Variants in IGSF10 observed in about 807,000 individuals in gnomAD.
IGSF10 encodes the protein immunoglobulin superfamily member 10, also known as calvaria mechanical force protein 608.
IGSF10 carries 126 observed loss-of-function variants against 128.2 expected under a neutral mutation model. The observed-to-expected ratio is 0.98, with a 90% confidence interval of 0.85 to 1.14. IGSF10 has a LOEUF of 1.14. IGSF10 is among the 50% of genes most tolerant of loss of function. The probability of loss-of-function intolerance (pLI) is 0.00; values close to 1 mark genes in which losing one functional copy is unlikely to be tolerated. For missense variants in IGSF10, 3,295 were observed against 3,149.8 expected, an observed-to-expected ratio of 1.05 and a Z score of -1.10; for synonymous variants, 1,185 against 1,146.2, an observed-to-expected ratio of 1.03 and a Z score of -0.68.
At chr3:151,508,568 T>G in the IGSF10 span, among the ~76,000 whole-genome samples, 1 of 152,182 alleles carries the variant, frequency 6.6e-6, no homozygotes, top group Admixed American at 6.5e-5. Context: ...AATCTTCTAA[T>G]TAGTACTCTG....
At chr3:151,541,381 T>G in the IGSF10 span, among the ~76,000 whole-genome samples, 1 of 152,172 alleles carries the variant, frequency 6.6e-6, no homozygotes, top group African/African-American at 2.4e-5. Flanking sequence ...GTCAAAAAAA[T>G]CATATTTTAG....
chr3:151,518,195 T>C, the IGSF10 span, among the ~76,000 whole-genome samples: 1 of 152,126 alleles, frequency 6.6e-6, no homozygotes, highest in East Asian at 1.9e-4. Context: ...CTTGTGCCAA[T>C]CACTGAGTTT....
chr3:151,564,410 T>C, the IGSF10 span, among the ~76,000 whole-genome samples: 9 of 152,092 alleles, frequency 5.9e-5, no homozygotes, highest in African/African-American at 2.2e-4. Context: ...TAAGAATTTA[T>C]TTCCTTCCTT....
chr3:151,481,653 T>C, the IGSF10 span, among the ~76,000 whole-genome samples: 5 of 152,130 alleles, frequency 3.3e-5, no homozygotes, highest in African/African-American at 1.2e-4. Context: ...TCCCCAGGGC[T>C]GCAATAGTTT....
the IGSF10 span, among the ~76,000 whole-genome samples, chr3:151,534,717 T>C: frequency 6.6e-6 from 1 of 151,838 alleles, no homozygotes; most frequent in Admixed American, 6.6e-5. Flanking sequence ...GACGGGTCAA[T>C]GGGTACAGCA....
chr3:151,501,505 A>G, the IGSF10 span, among the ~76,000 whole-genome samples: 1 of 152,114 alleles, frequency 6.6e-6, no homozygotes, highest in Non-Finnish European at 1.5e-5. Flanking sequence ...TCAAGGATCT[A>G]TTCAAGTTAG....
At position 151,437,543 on chromosome 3, in the gene IGSF10, T is replaced by A. The variant is rs1720452558; in HGVS notation, c.7018A>T (p.Arg2340Ter). The A allele has an allele frequency of 6.2e-7, 1 of 1,614,108 alleles. No individual in the cohort carries two copies. The highest frequency in any genetic ancestry group is 1.3e-5 in the African/African-American group (1 of 74,946). Residue 2340 changes from arginine (R) to a stop codon, truncating the protein, a stop_gained, in exon 8 of 8, where the codon AGA becomes TGA. Coordinates refer to ENST00000282466, the MANE Select transcript of IGSF10 (RefSeq NM_178822.5). LOFTEE classifies it low-confidence loss of function (END_TRUNC). Reference protein sequence around the residue: ...VLEMLRRPTFRNPFNEKIVAQ... With the variant: ...VLEMLRRPTF ...ACTATTTTTTCATTAAATGGATTTC[T>A]AAATGTCGGTCTTCTCAGCATTTCC...
the IGSF10 span, among the ~76,000 whole-genome samples, chr3:151,500,729 A>C: frequency 6.6e-6 from 1 of 152,172 alleles, no homozygotes; most frequent in African/African-American, 2.4e-5. Context: ...TTACTTGTCC[A>C]TCACATTTGC....
rs927290716 is a variant in IGSF10 at position 151,436,248 on chromosome 3, T to G, written c.*441A>C. 1 of 154,656 alleles carries G rather than the reference T, an allele frequency of 6.5e-6. No individual in the cohort carries two copies. The highest frequency in any genetic ancestry group is 1.9e-4 in the East Asian group (1 of 5,254). The allele number at this position is 154,656 out of a possible 1,614,324, so 9.6% of individuals were successfully genotyped here. On this transcript the variant is annotated 3_prime_UTR_variant, in exon 8 of 8. Coordinates refer to ENST00000282466, the MANE Select transcript of IGSF10 (RefSeq NM_178822.5). The stretch of plus-strand genomic sequence containing the variant: ...AAAAATTTATAAACCACAAAATATT[T>G]ATACATCAGGATGGTAAATTTACAT...
chr3:151,615,083 T>C, the IGSF10 span, among the ~76,000 whole-genome samples: 6 of 152,084 alleles, frequency 3.9e-5, no homozygotes, highest in African/African-American at 1.4e-4. Flanking sequence ...TTTTGGTAAG[T>C]TTTGTTTACA....
At position 151,453,374 on chromosome 3, in the gene IGSF10, A is replaced by G; in HGVS notation, c.715+10T>C. 2 of 1,564,902 alleles carry G rather than the reference A, an allele frequency of 1.3e-6. No individual in the cohort carries two copies. Among genetic ancestry groups the G allele is most frequent in the Non-Finnish European group, 1.7e-6 (2 of 1,162,270 alleles). ...CTTAATTGGGACAAAAAAATAAACA[A>G]TATAGATACCTGGCTTCTCCTGTAT... On this transcript the variant is annotated intron_variant, in intron 5 of 7. Coordinates refer to ENST00000282466, the MANE Select transcript of IGSF10 (RefSeq NM_178822.5).
At position 151,437,253 on chromosome 3, in the gene IGSF10, G is replaced by A. The variant is rs768658512; in HGVS notation, c.7308C>T (p.Thr2436=). The change falls in exon 8 of 8, where the codon ACC becomes ACT. Residue 2436 remains threonine (T), a synonymous_variant. Coordinates refer to ENST00000282466, the MANE Select transcript of IGSF10 (RefSeq NM_178822.5). Reference sequence around the variant, plus strand: ...TGCCTTTTACTGTCCCTGGTGCATAGGTAAGAATAACTGGCTTCTGGCCAA... The same window carrying A: ...TGCCTTTTACTGTCCCTGGTGCATAAGTAAGAATAACTGGCTTCTGGCCAA... ...LEIGQKPVIL[T]YAPGTVKGIS... is the part of the protein sequence containing the mutation. The A allele has an allele frequency of 6.2e-7, 1 of 1,614,164 alleles. No homozygotes were observed. The highest frequency in any genetic ancestry group is 2.2e-5 in the East Asian group (1 of 44,882).
the IGSF10 span, among the ~76,000 whole-genome samples, chr3:151,608,139 G>A: frequency 4.7e-4 from 71 of 152,190 alleles, no homozygotes; most frequent in African/African-American, 1.7e-3. Flanking sequence ...AAATCCTGGA[G>A]TTACCAAGAT....
the IGSF10 span, among the ~76,000 whole-genome samples, chr3:151,550,437 G>A: frequency 7.2e-5 from 11 of 152,090 alleles, no homozygotes; most frequent in Admixed American, 1.3e-4. Context: ...GAGCTTTCTC[G>A]GACAAGAGAA....
the IGSF10 span, among the ~76,000 whole-genome samples, chr3:151,534,006 A>T: frequency 6.6e-6 from 1 of 152,232 alleles, no homozygotes; most frequent in Non-Finnish European, 1.5e-5. Flanking sequence ...TAATATGAAC[A>T]GACACTTCTC....
At chr3:151,594,426 C>T in the IGSF10 span, among the ~76,000 whole-genome samples, 1 of 151,074 alleles carries the variant, frequency 6.6e-6, no homozygotes, top group African/African-American at 2.4e-5. Flanking sequence ...CTCCGCCTCC[C>T]GGGTTCACGC....
intron 5 of IGSF10, among the ~76,000 whole-genome samples, chr3:151,452,180 CT>C (rs1721540799): frequency 6.6e-6 from 1 of 152,182 alleles, no homozygotes; most frequent in African/African-American, 2.4e-5. Context: ...ATGTGAGCCC[CT>C]ATGGGTTTAA....
In IGSF10 at chr3:151,460,325, G is replaced by T; in HGVS notation, c.-66C>A. 1 of 981,670 alleles carries T rather than the reference G, an allele frequency of 1.0e-6. No individual in the cohort carries two copies. The highest frequency in any genetic ancestry group is 1.2e-6 in the Non-Finnish European group (1 of 826,514). The allele number at this position is 981,670 out of a possible 1,614,324, so 60.8% of individuals were successfully genotyped here. A position where few individuals can be genotyped will look rare whatever the true frequency, so the allele number is the denominator to read the frequency against. Reference sequence around the variant, plus strand: ...AGGCAGAGACAGAAAATCTTCCCAGGAAATGGAAAATTGTGTCCAAACCTG... The same window carrying T: ...AGGCAGAGACAGAAAATCTTCCCAGTAAATGGAAAATTGTGTCCAAACCTG... On this transcript the variant is annotated 5_prime_UTR_variant, in exon 2 of 8. Transcript: ENST00000282466.
upstream of IGSF10, chr3:151,461,197 T>C (rs1194449981): frequency 1.0e-6 from 1 of 985,256 alleles, no homozygotes; most frequent in African/African-American, 1.7e-5. Context: ...TAATTCGCCG[T>C]GGCTTCACTC....
Sources: allele counts gnomAD v4.1 joint callset (sites outside exome capture counted in the v4.1 genomes callset), GRCh38; gene constraint gnomAD v4.1.1; transcripts MANE v1.5; gene names NCBI Gene and HGNC (gene_info 2026-07-23, HGNC 2026-07-21).